Variants in SPMIP2 observed in about 807,000 individuals in gnomAD.
SPMIP2 encodes the protein sperm microtubule inner protein 2.
the SPMIP2 span, among the ~76,000 whole-genome samples, chr4:158,896,245 G>T: frequency 1.3e-5 from 2 of 152,084 alleles, no homozygotes; most frequent in African/African-American, 4.8e-5. Flanking sequence ...CCTGGAGGAG[G>T]AGTAGGTTGG....
the SPMIP2 span, among the ~76,000 whole-genome samples, chr4:158,989,423 GAA>G: frequency 6.6e-6 from 1 of 152,076 alleles, no homozygotes; most frequent in African/African-American, 2.4e-5. Context: ...ACATAGCCAA[GAA>G]AATCTTGAGC....
the SPMIP2 span, among the ~76,000 whole-genome samples, chr4:159,031,832 C>A: frequency 6.6e-6 from 1 of 152,002 alleles, no homozygotes; most frequent in Non-Finnish European, 1.5e-5. Context: ...AGTTCATTGG[C>A]GTGTGTTTTA....
At chr4:158,971,774 C>T in the SPMIP2 span, among the ~76,000 whole-genome samples, 1 of 152,158 alleles carries the variant, frequency 6.6e-6, no homozygotes. Context: ...AATGCAAAGG[C>T]CTGCCTAGAA....
At chr4:159,078,341 A>T in the SPMIP2 span, among the ~76,000 whole-genome samples, 1 of 152,152 alleles carries the variant, frequency 6.6e-6, no homozygotes, top group African/African-American at 2.4e-5. Context: ...ATTGGCAGGA[A>T]TCCAGACTAG....
chr4:158,932,316 G>C, the SPMIP2 span, among the ~76,000 whole-genome samples: 1 of 151,992 alleles, frequency 6.6e-6, no homozygotes, highest in Non-Finnish European at 1.5e-5. Flanking sequence ...AAATACAAAA[G>C]TTAGCCAGGC....
At chr4:159,032,776 CCTTT>C in the SPMIP2 span, among the ~76,000 whole-genome samples, 13 of 131,974 alleles carry the variant, frequency 9.9e-5, no homozygotes, top group African/African-American at 3.7e-4. Context: ...ATCTAAATGA[CCTTT>C]CTTTTTTTTT....
the SPMIP2 span, among the ~76,000 whole-genome samples, chr4:158,957,879 G>A: frequency 1.3e-5 from 2 of 152,146 alleles, no homozygotes; most frequent in African/African-American, 2.4e-5. Context: ...GGATGGATTC[G>A]GGTCAGATGT....
the SPMIP2 span, among the ~76,000 whole-genome samples, chr4:158,965,507 T>C: frequency 3.3e-5 from 5 of 152,276 alleles, no homozygotes; most frequent in Middle Eastern, 6.8e-3. Context: ...CCTTGGAGTT[T>C]TCTAATGTGT....
the SPMIP2 span, among the ~76,000 whole-genome samples, chr4:159,059,486 C>T: frequency 6.6e-6 from 1 of 152,216 alleles, no homozygotes; most frequent in East Asian, 1.9e-4. Context: ...TGTCCTATGG[C>T]CTCAGCCTCC....
the SPMIP2 span, among the ~76,000 whole-genome samples, chr4:158,929,046 G>C: frequency 6.6e-6 from 1 of 152,208 alleles, no homozygotes; most frequent in Non-Finnish European, 1.5e-5. Context: ...AAGTCAGTGA[G>C]ACAAAGAACC....
chr4:159,019,036 G>A, the SPMIP2 span, among the ~76,000 whole-genome samples: 5 of 152,184 alleles, frequency 3.3e-5, no homozygotes, highest in Non-Finnish European at 7.4e-5. Context: ...CTTGCGGTGA[G>A]CCGAGATCGC....
chr4:158,934,223 G>A, the SPMIP2 span, among the ~76,000 whole-genome samples: 1 of 152,184 alleles, frequency 6.6e-6, no homozygotes. Flanking sequence ...CACTTTGGGA[G>A]GCCTAGACAG....
chr4:158,951,727 C>A, the SPMIP2 span, among the ~76,000 whole-genome samples: 1 of 152,164 alleles, frequency 6.6e-6, no homozygotes, highest in East Asian at 1.9e-4. Context: ...AGATTAGTGG[C>A]AAATGGTGTT....
the SPMIP2 span, among the ~76,000 whole-genome samples, chr4:158,987,923 CA>C: frequency 6.6e-6 from 1 of 151,856 alleles, no homozygotes; most frequent in Non-Finnish European, 1.5e-5. Context: ...GATAGAGACA[CA>C]AAAAACCCTT....
chr4:158,981,873 C>T, the SPMIP2 span, among the ~76,000 whole-genome samples: 17 of 120,862 alleles, frequency 1.4e-4, no homozygotes, highest in African/African-American at 5.2e-4. Flanking sequence ...TCACACATAA[C>T]AATATTAACC....
chr4:158,938,072 A>G, the SPMIP2 span, among the ~76,000 whole-genome samples: 5 of 152,350 alleles, frequency 3.3e-5, no homozygotes, highest in African/African-American at 4.8e-5. Context: ...ATTTTGCAAA[A>G]ATGGTAAGAA....
the SPMIP2 span, among the ~76,000 whole-genome samples, chr4:159,041,412 T>G: frequency 6.6e-6 from 1 of 152,244 alleles, no homozygotes; most frequent in Admixed American, 6.5e-5. Flanking sequence ...GAAGCAATAA[T>G]GGTCATATCT....
At chr4:158,910,005 G>A in the SPMIP2 span, among the ~76,000 whole-genome samples, 2 of 151,854 alleles carry the variant, frequency 1.3e-5, no homozygotes, top group Non-Finnish European at 1.5e-5. Context: ...TTGTGCCACT[G>A]CACTCCAGCC....
chr4:159,072,157 T>G, the SPMIP2 span, among the ~76,000 whole-genome samples: 2 of 151,962 alleles, frequency 1.3e-5, no homozygotes, highest in Non-Finnish European at 2.9e-5. Context: ...ATACAAAAAA[T>G]ACAGAAATTA....
Sources: gnomAD v4.1 joint callset for allele counts (sites outside exome capture counted in the v4.1 genomes callset) on GRCh38, gnomAD v4.1.1 for gene constraint, MANE v1.5 for transcripts, NCBI Gene and HGNC (gene_info 2026-07-23, HGNC 2026-07-21) for gene names.